The following RALY variants were observed in gnomAD, a reference collection of about 807,000 sequenced individuals.
RALY encodes the protein RNA-binding protein Raly.
RALY carries 15 observed loss-of-function variants against 30.7 expected under a neutral mutation model. That is an observed-to-expected ratio of 0.49 (90% CI 0.33 to 0.75). The LOEUF is 0.75. RALY is among the 30% of genes least tolerant of loss of function. The probability of loss-of-function intolerance (pLI) is 0.02; values close to 1 mark genes in which losing one functional copy is unlikely to be tolerated. For synonymous variants in RALY, 177 were observed against 170.8 expected (o/e 1.04, Z -0.28); for missense variants, 339 against 414.3 (o/e 0.82, Z 1.58).
chr20:34,074,670 A>T (rs2122305984), intron 5 of RALY, among the ~76,000 whole-genome samples: 1 of 152,168 alleles, frequency 6.6e-6, no homozygotes, highest in African/African-American at 2.4e-5. Context: ...GGATTATGTG[A>T]TCTTGGGCAA....
chr20:34,003,376 A>G (rs1322262863), intron 1 of RALY, among the ~76,000 whole-genome samples: 1 of 152,112 alleles, frequency 6.6e-6, no homozygotes, highest in Non-Finnish European at 1.5e-5. Flanking sequence ...TCCATCAGTC[A>G]TTTGTCAGTG....
chr20:34,016,634 C>A (rs1213497610), intron 1 of RALY: 2 of 152,196 alleles, frequency 1.3e-5, no homozygotes, highest in Non-Finnish European at 2.9e-5. Flanking sequence ...CTTCTGATAC[C>A]ACCTTGGACA....
chr20:34,022,094 C>A (rs1047862157), intron 1 of RALY, among the ~76,000 whole-genome samples: 1 of 135,134 alleles, frequency 7.4e-6, no homozygotes, highest in Non-Finnish European at 1.6e-5. Context: ...TTCTTTCTTT[C>A]TTTTTTTTTT....
intron 1 of RALY, among the ~76,000 whole-genome samples, chr20:34,029,092 T>C (rs554272752): frequency 6.6e-6 from 1 of 152,238 alleles, no homozygotes; most frequent in East Asian, 1.9e-4. Flanking sequence ...AGTCTGCCTT[T>C]GTAATGTCAG....
intron 1 of RALY, among the ~76,000 whole-genome samples, chr20:34,004,031 A>G (rs574887145): frequency 4.6e-4 from 68 of 149,180 alleles, no homozygotes; most frequent in Non-Finnish European, 8.8e-4. Flanking sequence ...GGCATTGTCT[A>G]TCTTTTTCAT....
intron 1 of RALY, among the ~76,000 whole-genome samples, chr20:34,021,893 GTTCTT>G (rs1488689365): frequency 1.7e-4 from 25 of 150,540 alleles, no homozygotes; most frequent in African/African-American, 5.3e-4. Flanking sequence ...TTTTTAATTT[GTTCTT>G]TTAAGTTTTT....
chr20:34,041,574 G>A (rs1212453489), intron 2 of RALY, among the ~76,000 whole-genome samples: 1 of 152,116 alleles, frequency 6.6e-6, no homozygotes, highest in Non-Finnish European at 1.5e-5. Flanking sequence ...GCCTTCCTCT[G>A]CCCTCTTGTC....
intron 1 of RALY, among the ~76,000 whole-genome samples, chr20:34,026,549 C>T (rs1211392179): frequency 1.3e-5 from 2 of 148,754 alleles, no homozygotes; most frequent in Middle Eastern, 3.5e-3. Flanking sequence ...ACTACAGGCG[C>T]CCGCCAGCCA....
In RALY at chr20:34,083,860, C is replaced by G. The variant is rs2034065919; in HGVS notation, c.*3955C>G. Reference sequence around the variant, plus strand: ...TGAGCCAGGCATCCTTGGTTTTCATCCCAACCAGATCATTGATTGATTGAG... The same window carrying G: ...TGAGCCAGGCATCCTTGGTTTTCATGCCAACCAGATCATTGATTGATTGAG... On this transcript the variant is annotated 3_prime_UTR_variant, in exon 10 of 10. Coordinates refer to ENST00000246194, the MANE Select transcript of RALY (RefSeq NM_016732.3). 6.6e-6 allele frequency: 1 copy of G among 152,236 alleles called. No homozygotes were observed. The highest frequency in any genetic ancestry group is 1.5e-5 in the Non-Finnish European group (1 of 68,052). 9.4% of individuals were successfully genotyped at this position (152,236 alleles called of 1,614,324 possible). A position where few individuals can be genotyped will look rare whatever the true frequency, so the allele number is the denominator to read the frequency against.
chr20:34,048,183 G>A (rs747593643), intron 2 of RALY, among the ~76,000 whole-genome samples: 1 of 152,178 alleles, frequency 6.6e-6, no homozygotes, highest in Non-Finnish European at 1.5e-5. Context: ...GATTCATTAG[G>A]CTCTGGACTC....
intron 1 of RALY, among the ~76,000 whole-genome samples, chr20:34,025,391 G>C (rs2031983387): frequency 6.6e-6 from 1 of 151,400 alleles, no homozygotes; most frequent in South Asian, 2.1e-4. Context: ...ATCCTCCGCT[G>C]CCCGGGTTCA....
chr20:34,059,986 C>T (rs913245937), intron 2 of RALY, among the ~76,000 whole-genome samples: 4 of 152,228 alleles, frequency 2.6e-5, no homozygotes, highest in Non-Finnish European at 5.9e-5. Flanking sequence ...TGAGCTCTGG[C>T]AGCTGCATTG....
intron 2 of RALY, among the ~76,000 whole-genome samples, chr20:34,048,824 C>G (rs2032975422): frequency 7.2e-6 from 1 of 138,676 alleles, no homozygotes; most frequent in South Asian, 2.4e-4. Flanking sequence ...CCACTGCACT[C>G]TAGCCTGGGA....
At chr20:33,995,559 A>G (rs907411689) in intron 1 of RALY, among the ~76,000 whole-genome samples, 1 of 152,224 alleles carries the variant, frequency 6.6e-6, no homozygotes, top group Non-Finnish European at 1.5e-5. Context: ...GGGAGTGTCT[A>G]AAAATCAGGC....
intron 2 of RALY, among the ~76,000 whole-genome samples, chr20:34,060,893 C>T (rs2033397095): frequency 6.6e-6 from 1 of 152,160 alleles, no homozygotes; most frequent in Non-Finnish European, 1.5e-5. Flanking sequence ...ATTGAAGGTG[C>T]ACTAATTGTG....
chr20:34,035,176 A>AC (rs1477227991), intron 2 of RALY, among the ~76,000 whole-genome samples: 4 of 138,574 alleles, frequency 2.9e-5, no homozygotes, highest in East Asian at 1.9e-4. Context: ...AAAAAAAAAA[A>AC]AAAAAAAAAA....
chr20:34,076,794 G>T lies in RALY; in HGVS notation c.637G>T (p.Ala213Ser). 6.2e-7 allele frequency: 1 copy of T among 1,614,102 alleles called. No individual in the cohort carries two copies. Residue 213 changes from alanine to serine, a missense_variant, in exon 7 of 10, where the codon GCG becomes TCG. Ala to Ser is a moderately conservative substitution (Grantham distance 99, BLOSUM62 1). Coordinates refer to ENST00000246194, the MANE Select transcript of RALY (RefSeq NM_016732.3). ...GCTGAGCCGCTTGGAGCAGATCGCTGCGGAGCAAAAGGCCAATCCAGGTCA... is the reference window on the plus strand; with the variant it reads ...GCTGAGCCGCTTGGAGCAGATCGCTTCGGAGCAAAAGGCCAATCCAGGTCA... ...ALLSRLEQIA[A>S]EQKANPDGKK...
At chr20:34,014,045 T>C (rs554176633) in intron 1 of RALY, among the ~76,000 whole-genome samples, 17 of 152,318 alleles carry the variant, frequency 1.1e-4, no homozygotes, top group African/African-American at 3.8e-4. Context: ...GTTTTAATTA[T>C]GTAGCTTCTG....
At position 34,028,771 on chromosome 20, in the gene RALY, T is replaced by C. The variant is rs982374636; in HGVS notation, c.-92-2751T>C. ...GAGTGGCAAGAAAAGGGTTCAGGAT[T>C]ACGTCATAGATTCACTAGGCCTTGA... On this transcript the variant is annotated intron_variant, in intron 1 of 9. Transcript: ENST00000246194. Among the ~76,000 whole-genome samples the C allele has an allele frequency of 4.0e-5, 6 of 148,190 alleles. No individual in the cohort carries two copies. In the East Asian group the frequency reaches 9.8e-4, roughly 24 times the overall value.
Sources: allele counts gnomAD v4.1 joint callset (sites outside exome capture counted in the v4.1 genomes callset), GRCh38; gene constraint gnomAD v4.1.1; transcripts MANE v1.5; gene names NCBI Gene and HGNC (gene_info 2026-07-23, HGNC 2026-07-21).